The following GNAQ variants were observed in gnomAD, a reference collection of about 807,000 sequenced individuals.
GNAQ encodes the protein guanine nucleotide-binding protein G(q) subunit alpha.
In GNAQ, 8 loss-of-function variants were observed where a neutral mutation model predicts 43.9. The observed-to-expected ratio is 0.18, with a 90% CI of 0.11 to 0.33. The LOEUF (loss-of-function observed/expected upper bound fraction) is 0.33. Ranked by LOEUF, GNAQ falls within the 10% of genes least tolerant of loss-of-function variation. The pLI is 1.00. For synonymous variants in GNAQ, 155 were observed against 170.7 expected, an observed-to-expected ratio of 0.91 and a Z score of 0.71; for missense variants, 158 against 450.8, an observed-to-expected ratio of 0.35 and a Z score of 5.88.
chr9:77,981,698 T>G (rs2118495698), intron 1 of GNAQ, among the ~76,000 whole-genome samples: 1 of 152,330 alleles, frequency 6.6e-6, no homozygotes, highest in South Asian at 2.1e-4. Flanking sequence ...ATTTCATGAT[T>G]ATTTCTCATG....
intron 2 of GNAQ, among the ~76,000 whole-genome samples, chr9:77,844,399 G>T (rs1322929922): frequency 1.3e-5 from 2 of 152,078 alleles, no homozygotes; most frequent in Non-Finnish European, 2.9e-5. Flanking sequence ...CATTATATTG[G>T]CTTAAAGGAT....
In GNAQ at chr9:77,823,944, C is replaced by T. The variant is rs117434366; in HGVS notation, c.322-8174G>A. Reference sequence around the variant, plus strand: ...CATTGATATTATTCAAGGAAGTGTGCACATTAAAAAATTTTTCAAAATATA... The same window carrying T: ...CATTGATATTATTCAAGGAAGTGTGTACATTAAAAAATTTTTCAAAATATA... On this transcript the variant is annotated intron_variant, in intron 2 of 6. Coordinates refer to ENST00000286548, the MANE Select transcript of GNAQ (RefSeq NM_002072.5). Among the ~76,000 whole-genome samples, 83 of 152,162 alleles carry T rather than the reference C, an allele frequency of 5.5e-4. 1 individual carries two copies. In the East Asian group the frequency reaches 0.016, roughly 29 times the overall value.
intron 2 of GNAQ, among the ~76,000 whole-genome samples, chr9:77,830,671 A>C (rs961006973): frequency 6.6e-6 from 1 of 152,210 alleles, no homozygotes; most frequent in Admixed American, 6.5e-5. Context: ...TTTTTGTATG[A>C]ACATATTTCA....
At chr9:77,745,586 T>C (rs1421677243) in intron 5 of GNAQ, among the ~76,000 whole-genome samples, 1 of 146,338 alleles carries the variant, frequency 6.8e-6, no homozygotes, top group African/African-American at 2.5e-5. Context: ...AAAAATCTTA[T>C]GATTCAGCAG....
chr9:77,819,802 G>T (rs1314910664), intron 2 of GNAQ, among the ~76,000 whole-genome samples: 1 of 147,352 alleles, frequency 6.8e-6, no homozygotes, highest in East Asian at 2.0e-4. Context: ...AAAACCCTCA[G>T]CCTTTTTGGT....
chr9:77,738,713 C>T (rs1291106916), intron 5 of GNAQ, among the ~76,000 whole-genome samples: 1 of 152,056 alleles, frequency 6.6e-6, no homozygotes, highest in African/African-American at 2.4e-5. Context: ...GCTAATGCAA[C>T]TGAAAAAATG....
chr9:77,945,101 C>T (rs1055711398), intron 1 of GNAQ, among the ~76,000 whole-genome samples: 13 of 152,144 alleles, frequency 8.5e-5, no homozygotes, highest in African/African-American at 2.9e-4. Flanking sequence ...GAATATCAGG[C>T]ACACCCATAC....
At chr9:77,989,612 T>C (rs1297931564) in intron 1 of GNAQ, among the ~76,000 whole-genome samples, 1 of 152,218 alleles carries the variant, frequency 6.6e-6, no homozygotes, top group Admixed American at 6.5e-5. Flanking sequence ...GGAAGCCCTG[T>C]GGCGGGCTTG....
At chr9:77,955,758 C>T (rs1458085282) in intron 1 of GNAQ, among the ~76,000 whole-genome samples, 1 of 152,168 alleles carries the variant, frequency 6.6e-6, no homozygotes, top group African/African-American at 2.4e-5. Context: ...TTTACAGGAA[C>T]ATTAACTCTA....
chr9:77,905,302 G>C (rs1828687422), intron 2 of GNAQ, among the ~76,000 whole-genome samples: 1 of 152,096 alleles, frequency 6.6e-6, no homozygotes, highest in African/African-American at 2.4e-5. Flanking sequence ...ACGCCTATGA[G>C]TATTACTATT....
chr9:77,835,157 A>C (rs1045141668), intron 2 of GNAQ, among the ~76,000 whole-genome samples: 2 of 152,088 alleles, frequency 1.3e-5, no homozygotes, highest in East Asian at 1.9e-4. Flanking sequence ...ACTTTATCAC[A>C]ATACACAGAA....
In GNAQ at chr9:77,890,549, C is replaced by T. The variant is rs149231906; in HGVS notation, c.321+31612G>A. Among the ~76,000 whole-genome samples the T allele has an allele frequency of 4.5e-3, 687 of 152,210 alleles. 6 individuals are homozygous for T. Among genetic ancestry groups the T allele is most frequent in the African/African-American group, 0.016 (666 of 41,534 alleles). ...GATCAGCCTGACCAACATGGAGAAA[C>T]CCCGTCTCTACTAAAAATACAAAAT... On this transcript the variant is annotated intron_variant, in intron 2 of 6. Transcript: ENST00000286548.
intron 6 of GNAQ, among the ~76,000 whole-genome samples, chr9:77,727,721 C>G (rs558371422): frequency 6.6e-6 from 1 of 152,150 alleles, no homozygotes; most frequent in African/African-American, 2.4e-5. Flanking sequence ...CAAAACAATC[C>G]TATGAGTTTG....
chr9:77,793,142 A>G (rs754855594), intron 5 of GNAQ, among the ~76,000 whole-genome samples: 9 of 152,204 alleles, frequency 5.9e-5, no homozygotes, highest in Non-Finnish European at 1.0e-4. Context: ...ACAGACATAA[A>G]GATATACAGA....
At position 77,872,242 on chromosome 9, in the gene GNAQ, A is replaced by C. The variant is rs535013150; in HGVS notation, c.321+49919T>G. Among the ~76,000 whole-genome samples, 4 of 152,362 alleles carry C rather than the reference A, an allele frequency of 2.6e-5. No homozygotes were observed. In the South Asian group the frequency reaches 6.2e-4, roughly 24 times the overall value. ...TGTTTGGTTGTAAAGCAGAACTTAAAAATTACATATGGTCAAATTACCATT... is the reference window on the plus strand; with the variant it reads ...TGTTTGGTTGTAAAGCAGAACTTAACAATTACATATGGTCAAATTACCATT... On this transcript the variant is annotated intron_variant, in intron 2 of 6. Transcript: ENST00000286548.
intron 2 of GNAQ, among the ~76,000 whole-genome samples, chr9:77,828,059 CAAAAAAAAAAAAAAAAAA>C (rs71360654): frequency 5.7e-4 from 11 of 19,242 alleles, no homozygotes; most frequent in Admixed American, 1.2e-3. Context: ...GACTCCTCCT[CAAAAAAAAAAAAAAAAAA>C]AAAAAAAAAA....
At chr9:77,835,660 C>T (rs1479631006) in intron 2 of GNAQ, among the ~76,000 whole-genome samples, 2 of 152,086 alleles carry the variant, frequency 1.3e-5, no homozygotes, top group East Asian at 3.9e-4. Context: ...ATCTATACAG[C>T]CCCCATTTAA....
intron 1 of GNAQ, among the ~76,000 whole-genome samples, chr9:77,961,130 C>T (rs758314959): frequency 9.9e-5 from 15 of 152,080 alleles, no homozygotes; most frequent in Non-Finnish European, 1.5e-5. Flanking sequence ...ATGGATATTA[C>T]CAGACTTTGA....
At chr9:78,014,789 G>A (rs1823816595) in intron 1 of GNAQ, among the ~76,000 whole-genome samples, 1 of 152,010 alleles carries the variant, frequency 6.6e-6, no homozygotes, top group East Asian at 1.9e-4. Context: ...AATTCTCATC[G>A]ACGTTTTTTA....
Sources: allele counts gnomAD v4.1 joint callset (sites outside exome capture counted in the v4.1 genomes callset), GRCh38; gene constraint gnomAD v4.1.1; transcripts MANE v1.5; gene names NCBI Gene and HGNC (gene_info 2026-07-23, HGNC 2026-07-21).